The following BICC1 variants were observed in gnomAD, a reference collection of about 807,000 sequenced individuals.
BICC1 encodes protein bicaudal C homolog 1.
Under a neutral mutation model 111.0 loss-of-function variants are expected in BICC1, and 43 were observed. That is an observed-to-expected ratio of 0.39 (90% CI 0.30 to 0.50). The LOEUF is 0.50. BICC1 is among the 20% of genes least tolerant of loss of function. The probability of loss-of-function intolerance (pLI) is 0.88; values close to 1 mark genes in which losing one functional copy is unlikely to be tolerated. For synonymous variants in BICC1, 467 were observed against 434.4 expected, an observed-to-expected ratio of 1.07 and a Z score of -0.93; for missense variants, 1,091 against 1,203.2, an observed-to-expected ratio of 0.91 and a Z score of 1.38.
chr10:58,749,571 C>T (rs1841928986), intron 3 of BICC1, among the ~76,000 whole-genome samples: 1 of 152,070 alleles, frequency 6.6e-6, no homozygotes, highest in African/African-American at 2.4e-5. Context: ...TGTTTTTGTT[C>T]AAATGTGACT....
At chr10:58,665,686 A>T (rs191884348) in intron 2 of BICC1, among the ~76,000 whole-genome samples, 1 of 152,106 alleles carries the variant, frequency 6.6e-6, no homozygotes, top group African/African-American at 2.4e-5. Flanking sequence ...ATTTTATTTC[A>T]TCTTCTGAGA....
rs1456695836 is a variant in BICC1, at chr10:58,680,655, A to C, written c.238-21419A>C. ...CATCAAGCTACCATTGACTTTCTTCACAGAATTAGAAAAATCTACTTTAAA... is the reference window on the plus strand; with the variant it reads ...CATCAAGCTACCATTGACTTTCTTCCCAGAATTAGAAAAATCTACTTTAAA... On this transcript the variant is annotated intron_variant, in intron 2 of 20. Coordinates refer to ENST00000373886, the MANE Select transcript of BICC1 (RefSeq NM_001080512.3). Among the ~76,000 whole-genome samples the C allele has an allele frequency of 2.6e-5, 4 of 152,250 alleles. No individual in the cohort carries two copies. The East Asian group carries it at 7.7e-4, about 29-fold the overall frequency.
chr10:58,809,495 CT>C (rs1242452424), intron 17 of BICC1, among the ~76,000 whole-genome samples: 1 of 152,166 alleles, frequency 6.6e-6, no homozygotes, highest in Non-Finnish European at 1.5e-5. Flanking sequence ...CTGCCTCAGC[CT>C]CCCAAAGTGC....
intron 2 of BICC1, among the ~76,000 whole-genome samples, chr10:58,653,138 TA>T (rs1301890570): frequency 6.6e-6 from 1 of 152,194 alleles, no homozygotes; most frequent in Non-Finnish European, 1.5e-5. Flanking sequence ...TAAGTTACTC[TA>T]AAATATGAAG....
intron 3 of BICC1, among the ~76,000 whole-genome samples, chr10:58,713,914 C>T (rs1840655065): frequency 6.6e-6 from 1 of 152,160 alleles, no homozygotes. Flanking sequence ...GATTTATAAA[C>T]TTTCTTCTGG....
rs3076279 is a variant in BICC1 at position 58,703,306 on chromosome 10, G to GTGC, written c.307+1163_307+1164insTGC. ...CAGACTCAAGTAGCTGGGACTATAG[G>GTGC]ACACCACCATGCTTGGGTAATGTTT... On this transcript the variant is annotated intron_variant, in intron 3 of 20. Transcript: ENST00000373886. 7.9e-3 allele frequency among the ~76,000 whole-genome samples: 1,206 copies of GTGC among 151,790 alleles called. 21 individuals are homozygous for GTGC. Among genetic ancestry groups the GTGC allele is most frequent in the African/African-American group, 0.028 (1,153 of 41,298 alleles).
At chr10:58,788,292 C>G in intron 5 of BICC1, 78 bp from the exon 6 acceptor site, 9 of 1,074,090 alleles carry the variant, frequency 8.4e-6, no homozygotes, top group Non-Finnish European at 1.3e-5. Flanking sequence ...CTTTTAGTAG[C>G]AAGCATATAG....
intron 3 of BICC1, among the ~76,000 whole-genome samples, chr10:58,711,689 G>C (rs1169582280): frequency 6.6e-6 from 1 of 151,778 alleles, no homozygotes; most frequent in Non-Finnish European, 1.5e-5. Flanking sequence ...CAAACTAGCT[G>C]TTCTTTCCAA....
intron 2 of BICC1, among the ~76,000 whole-genome samples, chr10:58,696,453 C>A (rs895636712): frequency 6.6e-6 from 1 of 152,140 alleles, no homozygotes; most frequent in Non-Finnish European, 1.5e-5. Flanking sequence ...TTCATCAAAT[C>A]TGATATTACC....
At chr10:58,825,595 C>A (rs866834121) in intron 20 of BICC1, among the ~76,000 whole-genome samples, 1 of 152,136 alleles carries the variant, frequency 6.6e-6, no homozygotes, top group African/African-American at 2.4e-5. Flanking sequence ...TAAATCATAA[C>A]TGCATAAAAT....
At chr10:58,569,284 A>G (rs1475811402) in intron 1 of BICC1, among the ~76,000 whole-genome samples, 2 of 152,162 alleles carry the variant, frequency 1.3e-5, no homozygotes, top group Non-Finnish European at 2.9e-5. Context: ...TTCAATCTCA[A>G]ACCTCTTTAA....
At chr10:58,665,289 A>G (rs567729379) in intron 2 of BICC1, among the ~76,000 whole-genome samples, 1 of 152,038 alleles carries the variant, frequency 6.6e-6, no homozygotes, top group South Asian at 2.1e-4. Context: ...TGTTCCCTTA[A>G]CATACTTTTG....
chr10:58,802,726 C>T (rs955277896), intron 14 of BICC1, among the ~76,000 whole-genome samples: 2 of 152,188 alleles, frequency 1.3e-5, no homozygotes, highest in African/African-American at 2.4e-5. Context: ...CTCATCTGTA[C>T]ATCTATTCCA....
chr10:58,532,623 A>G (rs1658470), intron 1 of BICC1, among the ~76,000 whole-genome samples: 69,661 of 151,542 alleles, frequency 0.46, 17,065 homozygotes, highest in Admixed American at 0.62. Flanking sequence ...AATTTATGAG[A>G]AAAAAATTCA....
At chr10:58,698,443 C>G (rs1422177588) in intron 2 of BICC1, among the ~76,000 whole-genome samples, 1 of 152,138 alleles carries the variant, frequency 6.6e-6, no homozygotes, top group Non-Finnish European at 1.5e-5. Flanking sequence ...CCAACTTTTT[C>G]TCCTCCTTTA....
chr10:58,602,837 C>G (rs1845084653), intron 1 of BICC1, among the ~76,000 whole-genome samples: 3 of 152,188 alleles, frequency 2.0e-5, no homozygotes, highest in Admixed American at 2.0e-4. Context: ...GGATCATAGA[C>G]CAGATCCCTT....
intron 3 of BICC1, among the ~76,000 whole-genome samples, chr10:58,782,766 C>CT (rs1842914905): frequency 6.6e-6 from 1 of 152,184 alleles, no homozygotes; most frequent in Admixed American, 6.5e-5. Context: ...GGCTTGGTAT[C>CT]TCCCTCTACC....
chr10:58,788,268 G>A, intron 5 of BICC1, 102 bp from the exon 6 acceptor site: 4 of 831,626 alleles, frequency 4.8e-6, no homozygotes, highest in Non-Finnish European at 7.9e-6. Flanking sequence ...CTCTGTATTT[G>A]TCCCTGGATG....
intron 8 of BICC1, among the ~76,000 whole-genome samples, chr10:58,791,752 A>G (rs953102378): frequency 6.6e-6 from 1 of 152,022 alleles, no homozygotes; most frequent in Admixed American, 6.6e-5. Context: ...AAAAAAAATC[A>G]ATTTCTTCCA....
Sources: allele counts gnomAD v4.1 joint callset (sites outside exome capture counted in the v4.1 genomes callset), GRCh38; gene constraint gnomAD v4.1.1; transcripts MANE v1.5; gene names NCBI Gene and HGNC (gene_info 2026-07-23, HGNC 2026-07-21).